Variants in ROBO1 observed in about 807,000 individuals in gnomAD.
The protein encoded by ROBO1 is roundabout homolog 1.
In ROBO1, 149 loss-of-function variants were observed where a neutral mutation model predicts 195.9. The ratio of observed to expected loss-of-function variants is 0.76; its 90% CI spans 0.67 to 0.87. ROBO1 has a LOEUF of 0.87. Ranked by LOEUF, ROBO1 falls within the 40% of genes least tolerant of loss-of-function variation. The pLI, the probability that ROBO1 is intolerant of heterozygous loss-of-function variation, is 0.00. For synonymous variants in ROBO1, 816 were observed against 733.2 expected, an observed-to-expected ratio of 1.11 and a Z score of -1.82; for missense variants, 1,933 against 2,068.3, an observed-to-expected ratio of 0.93 and a Z score of 1.27.
chr3:79,249,013 C>T (rs2082674353), intron 2 of ROBO1, among the ~76,000 whole-genome samples: 1 of 152,178 alleles, frequency 6.6e-6, no homozygotes, highest in Admixed American at 6.5e-5. Flanking sequence ...ATGAAGTTTA[C>T]ATGTATATCA....
intron 4 of ROBO1, among the ~76,000 whole-genome samples, chr3:78,875,571 C>A (rs994412495): frequency 1.3e-5 from 2 of 151,928 alleles, no homozygotes; most frequent in African/African-American, 4.8e-5. Flanking sequence ...TGCATGCACT[C>A]GGAATAGCTT....
chr3:79,462,210 T>C (rs1438772435), intron 2 of ROBO1, among the ~76,000 whole-genome samples: 2 of 152,096 alleles, frequency 1.3e-5, no homozygotes, highest in African/African-American at 2.4e-5. Flanking sequence ...ATTTCACAAG[T>C]TGTCATTTCT....
intron 2 of ROBO1, among the ~76,000 whole-genome samples, chr3:79,402,459 G>A (rs1355965714): frequency 1.3e-5 from 2 of 151,894 alleles, no homozygotes; most frequent in Non-Finnish European, 2.9e-5. Context: ...GCAAGTATAT[G>A]CAATAAATAA....
At chr3:79,095,457 G>T (rs540610534) in intron 3 of ROBO1, among the ~76,000 whole-genome samples, 18 of 152,128 alleles carry the variant, frequency 1.2e-4, no homozygotes, top group African/African-American at 3.6e-4. Flanking sequence ...GAGACGACCA[G>T]CCACTGGTGA....
At chr3:79,716,979 T>C (rs1431550369) in intron 1 of ROBO1, among the ~76,000 whole-genome samples, 1 of 151,982 alleles carries the variant, frequency 6.6e-6, no homozygotes, top group African/African-American at 2.4e-5. Context: ...TACCTAATCA[T>C]GAAAATTTTG....
At chr3:78,890,930 G>GA (rs1559968793) in intron 4 of ROBO1, among the ~76,000 whole-genome samples, 1 of 151,964 alleles carries the variant, frequency 6.6e-6, no homozygotes, top group Non-Finnish European at 1.5e-5. Flanking sequence ...CCCAACTAAT[G>GA]TTTTTTTAGA....
intron 4 of ROBO1, among the ~76,000 whole-genome samples, chr3:78,816,149 A>T (rs1350718696): frequency 6.6e-6 from 1 of 152,194 alleles, no homozygotes; most frequent in Admixed American, 6.5e-5. Flanking sequence ...GGTGATTTTA[A>T]GTTGAAGCCA....
At chr3:79,135,018 C>T (rs1232238736) in intron 2 of ROBO1, among the ~76,000 whole-genome samples, 2 of 147,818 alleles carry the variant, frequency 1.4e-5, no homozygotes, top group African/African-American at 2.5e-5. Context: ...TGCACATGTA[C>T]CCTAAAACTT....
At chr3:79,331,031 C>T (rs955394415) in intron 2 of ROBO1, among the ~76,000 whole-genome samples, 2 of 152,158 alleles carry the variant, frequency 1.3e-5, no homozygotes, top group Non-Finnish European at 2.9e-5. Context: ...CAGAGTCTTT[C>T]TACACTTGAT....
chr3:79,342,088 G>T (rs1243100508), intron 2 of ROBO1, among the ~76,000 whole-genome samples: 2 of 152,142 alleles, frequency 1.3e-5, no homozygotes, highest in African/African-American at 2.4e-5. Context: ...TGGAAAGTTG[G>T]CTGGATTTAG....
At chr3:79,525,920 A>C (rs971259608) in intron 2 of ROBO1, among the ~76,000 whole-genome samples, 9 of 152,086 alleles carry the variant, frequency 5.9e-5, no homozygotes, top group African/African-American at 2.2e-4. Flanking sequence ...CCAAAACTCT[A>C]CACTTATTTA....
chr3:78,603,947 T>C (rs1703322678), intron 29 of ROBO1, among the ~76,000 whole-genome samples: 2 of 152,142 alleles, frequency 1.3e-5, no homozygotes, highest in African/African-American at 2.4e-5. Context: ...TTTCTGAAGA[T>C]TGATTTTAAA....
chr3:79,728,276 C>T (rs1703005834), intron 1 of ROBO1, among the ~76,000 whole-genome samples: 1 of 151,868 alleles, frequency 6.6e-6, no homozygotes, highest in African/African-American at 2.4e-5. Context: ...GGTATCTCAC[C>T]TTTTGGTAGA....
chr3:79,499,970 G>A (rs2107493972), intron 2 of ROBO1, among the ~76,000 whole-genome samples: 1 of 151,688 alleles, frequency 6.6e-6, no homozygotes, highest in South Asian at 2.1e-4. Context: ...GTATGCCCGG[G>A]TAATTTTTGT....
chr3:79,718,906 A>G (rs2107281100), intron 1 of ROBO1, among the ~76,000 whole-genome samples: 1 of 152,192 alleles, frequency 6.6e-6, no homozygotes, highest in South Asian at 2.1e-4. Flanking sequence ...TGTAACCTGG[A>G]TATACATTAG....
chr3:79,177,598 T>C (rs2081279594), intron 2 of ROBO1, among the ~76,000 whole-genome samples: 2 of 152,316 alleles, frequency 1.3e-5, no homozygotes, highest in South Asian at 4.1e-4. Context: ...AGCTATCTTA[T>C]CTTACACTCA....
intron 3 of ROBO1, among the ~76,000 whole-genome samples, chr3:79,017,517 G>C (rs536082405): frequency 5.4e-4 from 81 of 150,754 alleles, no homozygotes; most frequent in Admixed American, 1.8e-3. Flanking sequence ...AATCGGATCC[G>C]TGATTGAAAC....
At chr3:79,110,459 A>G (rs767525797) in intron 3 of ROBO1, among the ~76,000 whole-genome samples, 32 of 151,764 alleles carry the variant, frequency 2.1e-4, no homozygotes, top group Non-Finnish European at 4.7e-4. Context: ...GCGATTTTGT[A>G]AACACCCAAT....
chr3:79,065,371 C>A (rs561057671), intron 3 of ROBO1, among the ~76,000 whole-genome samples: 2 of 151,836 alleles, frequency 1.3e-5, no homozygotes, highest in Admixed American at 1.3e-4. Flanking sequence ...TATTGTATCT[C>A]TGCCCATTGA....
Sources: allele counts gnomAD v4.1 joint callset (sites outside exome capture counted in the v4.1 genomes callset), GRCh38; gene constraint gnomAD v4.1.1; transcripts MANE v1.5; gene names NCBI Gene and HGNC (gene_info 2026-07-23, HGNC 2026-07-21).